CFAP53: variants seen among roughly 807,000 people sequenced by gnomAD.
CFAP53 encodes the protein cilia and flagella associated protein 53, also known as cilia- and flagella-associated protein 53.
CFAP53 carries 62 observed loss-of-function variants against 59.7 expected under a neutral mutation model. That is an observed-to-expected ratio of 1.04 (90% CI 0.85 to 1.28). CFAP53 has a LOEUF of 1.28. Among genes scored for constraint, CFAP53 ranks in the 50% most tolerant of loss-of-function variants. CFAP53 has a pLI of 0.00. For missense variants in CFAP53, 629 were observed against 615.6 expected, an observed-to-expected ratio of 1.02 and a Z score of -0.23; for synonymous variants, 218 against 205.7, an observed-to-expected ratio of 1.06 and a Z score of -0.51.
chr18:50,238,708 A>G lies in CFAP53; in HGVS notation c.1214-3T>C. 1 of 1,604,146 alleles carries G rather than the reference A, an allele frequency of 6.2e-7. No individual in the cohort carries two copies. The highest frequency in any genetic ancestry group is 1.7e-4 in the Middle Eastern group (1 of 6,050). On this transcript the variant is annotated splice_polypyrimidine_tract_variant and splice_region_variant and intron_variant, in intron 6 of 7. Coordinates refer to ENST00000398545, the MANE Select transcript of CFAP53 (RefSeq NM_145020.5). Reference sequence around the variant, plus strand: ...CTGTTCTTTAGCTTCTCGTTGCACTAAGAAAAGCAAAAGTAATTATATGTC... The same window carrying G: ...CTGTTCTTTAGCTTCTCGTTGCACTGAGAAAAGCAAAAGTAATTATATGTC...
intron 3 of CFAP53, chr18:50,255,889 T>C (rs2033843290): frequency 6.6e-6 from 1 of 150,502 alleles, no homozygotes; most frequent in Admixed American, 6.6e-5. Context: ...AAGAGGAAAA[T>C]TTTCATTCTG....
At chr18:50,251,453 C>T in intron 4 of CFAP53, 28 bp downstream of exon 4, 5 of 1,591,818 alleles carry the variant, frequency 3.1e-6, no homozygotes, top group Middle Eastern at 1.7e-4. Context: ...GCGTTGATCA[C>T]CCTCTAACAA....
chr18:50,244,029 T>G (rs2033719007), intron 5 of CFAP53, among the ~76,000 whole-genome samples: 1 of 152,206 alleles, frequency 6.6e-6, no homozygotes, highest in African/African-American at 2.4e-5. Flanking sequence ...GGATACCTTT[T>G]ACGTTCCCCC....
At chr18:50,229,740 CT>C (rs141422966) in intron 7 of CFAP53, among the ~76,000 whole-genome samples, 1 of 135,984 alleles carries the variant, frequency 7.4e-6, no homozygotes, top group African/African-American at 2.7e-5. Flanking sequence ...TTTTCTTTTT[CT>C]TTTTTTTTTT....
At chr18:50,230,757 A>G (rs1360586418) in intron 7 of CFAP53, among the ~76,000 whole-genome samples, 4 of 152,206 alleles carry the variant, frequency 2.6e-5, no homozygotes, top group Non-Finnish European at 4.4e-5. Context: ...GAATTCTTGG[A>G]CACCCAGTTG....
At chr18:50,243,874 C>T (rs1213183872) in intron 5 of CFAP53, among the ~76,000 whole-genome samples, 2 of 151,942 alleles carry the variant, frequency 1.3e-5, no homozygotes, top group Non-Finnish European at 2.9e-5. Context: ...ATGGCGTGAA[C>T]CCAGGAGGCG....
At chr18:50,231,532 T>C (rs1260873973) in intron 7 of CFAP53, among the ~76,000 whole-genome samples, 1 of 152,244 alleles carries the variant, frequency 6.6e-6, no homozygotes, top group Non-Finnish European at 1.5e-5. Flanking sequence ...CTGAAAGGTA[T>C]CCGTGTGGAA....
At position 50,243,132 on chromosome 18, in the gene CFAP53, A is replaced by C. The variant is rs1224446908; in HGVS notation, c.997-16T>G. 5 of 1,589,706 alleles carry C rather than the reference A, an allele frequency of 3.1e-6. No individual in the cohort carries two copies. The highest frequency in any genetic ancestry group is 4.3e-6 in the Non-Finnish European group (5 of 1,162,672). Reference sequence around the variant, plus strand: ...TCATATCTTCCTATGTAACATAAAAATTCATATTGTTAAAATTTTTTGGTG... The same window carrying C: ...TCATATCTTCCTATGTAACATAAAACTTCATATTGTTAAAATTTTTTGGTG... On this transcript the variant is annotated splice_polypyrimidine_tract_variant and intron_variant, in intron 5 of 7. Coordinates refer to ENST00000398545, the MANE Select transcript of CFAP53 (RefSeq NM_145020.5).
At chr18:50,250,713 A>G (rs1426814709) in intron 5 of CFAP53, 45 bp downstream of exon 5, 1 of 1,469,194 alleles carries the variant, frequency 6.8e-7, no homozygotes, top group African/African-American at 1.4e-5. Context: ...GAACTCAGTA[A>G]GGAATCCCTT....
intron 1 of CFAP53, among the ~76,000 whole-genome samples, chr18:50,265,594 C>T (rs1406631988): frequency 6.6e-6 from 1 of 152,216 alleles, no homozygotes; most frequent in Non-Finnish European, 1.5e-5. Flanking sequence ...CAATACTGCG[C>T]ACACAGCAGG....
At chr18:50,246,467 A>G (rs1164605807) in intron 5 of CFAP53, among the ~76,000 whole-genome samples, 1 of 152,242 alleles carries the variant, frequency 6.6e-6, no homozygotes, top group Non-Finnish European at 1.5e-5. Context: ...GCCATATACA[A>G]AACTTAAAAT....
chr18:50,262,284 TTA>T, intron 1 of CFAP53, 65 bp from the exon 2 acceptor site: 1 of 1,361,524 alleles, frequency 7.3e-7, no homozygotes, highest in Non-Finnish European at 1.0e-6. Flanking sequence ...TTTCAATTAG[TTA>T]TGCTCTCAAT....
At chr18:50,243,180 T>TA in intron 5 of CFAP53, 64 bp from the exon 6 acceptor site, 3 of 1,160,214 alleles carry the variant, frequency 2.6e-6, no homozygotes, top group Non-Finnish European at 3.8e-6. Context: ...AAGGATACAT[T>TA]TAAAAAAAAT....
rs527698332 is a variant in CFAP53 at position 50,259,198 on chromosome 18, C to T, written c.473+1866G>A. On this transcript the variant is annotated intron_variant, in intron 3 of 7. Coordinates refer to ENST00000398545, the MANE Select transcript of CFAP53 (RefSeq NM_145020.5). ...TACAACAGCTAAGATTTGGAAGCAA[C>T]CTAAGTGTCCATCAACAGATGAATG... is the stretch of plus-strand genomic sequence containing the variant. Among the ~76,000 whole-genome samples, 4 of 152,228 alleles carry T rather than the reference C, an allele frequency of 2.6e-5. No homozygotes were observed. In the East Asian group the frequency reaches 7.7e-4, roughly 29 times the overall value.
chr18:50,236,843 T>A (rs1317506864), intron 7 of CFAP53, among the ~76,000 whole-genome samples: 9 of 152,154 alleles, frequency 5.9e-5, no homozygotes, highest in Non-Finnish European at 1.2e-4. Context: ...GAGATAATCA[T>A]AAATTGCTTT....
intron 7 of CFAP53, among the ~76,000 whole-genome samples, chr18:50,228,083 C>G (rs992536073): frequency 6.6e-5 from 10 of 150,956 alleles, no homozygotes; most frequent in Non-Finnish European, 7.4e-5. Flanking sequence ...CTCAGCCACC[C>G]AAGCAGCTGG....
intron 3 of CFAP53, among the ~76,000 whole-genome samples, chr18:50,260,734 G>A (rs1214607663): frequency 1.3e-5 from 2 of 152,132 alleles, no homozygotes; most frequent in East Asian, 3.9e-4. Context: ...TACAGCAGCA[G>A]GGGGAAAGCC....
chr18:50,227,817 A>G (rs2033540171), intron 7 of CFAP53, among the ~76,000 whole-genome samples: 1 of 152,124 alleles, frequency 6.6e-6, no homozygotes, highest in African/African-American at 2.4e-5. Context: ...TTGATTTTAG[A>G]GAGGAAATGC....
chr18:50,262,326 A>G (rs192050359), intron 1 of CFAP53, 107 bp from the exon 2 acceptor site: 152 of 868,786 alleles, frequency 1.7e-4, no homozygotes, highest in Non-Finnish European at 2.7e-5. Flanking sequence ...AATTGGGTAT[A>G]AAAAACTAAT....
Sources: allele counts gnomAD v4.1 joint callset (sites outside exome capture counted in the v4.1 genomes callset), GRCh38; gene constraint gnomAD v4.1.1; transcripts MANE v1.5; gene names NCBI Gene and HGNC (gene_info 2026-07-23, HGNC 2026-07-21).